Variants in ZSCAN32 observed in about 807,000 individuals in gnomAD.
The protein encoded by ZSCAN32 is zinc finger and SCAN domain-containing protein 32.
Under a neutral mutation model 47.4 loss-of-function variants are expected in ZSCAN32, and 52 were observed. The ratio of observed to expected loss-of-function variants is 1.10; its 90% confidence interval spans 0.88 to 1.38. ZSCAN32 has a LOEUF of 1.38. ZSCAN32 is among the 40% of genes most tolerant of loss of function. ZSCAN32 has a pLI of 0.00. For missense variants in ZSCAN32, 959 were observed against 846.0 expected, an observed-to-expected ratio of 1.13 and a Z score of -1.66; for synonymous variants, 346 against 305.7, an observed-to-expected ratio of 1.13 and a Z score of -1.38.
chr16:3,397,275 T>C lies in ZSCAN32; in HGVS notation c.283A>G (p.Thr95Ala). 6.4e-7 allele frequency: 1 copy of C among 1,571,076 alleles called. No homozygotes were observed. Among genetic ancestry groups the C allele is most frequent in the South Asian group, 1.2e-5 (1 of 85,700 alleles). Residue 95 changes from threonine (T) to alanine (A), a missense_variant, in exon 2 of 7, where the codon ACC becomes GCC. Coordinates refer to ENST00000396852, the MANE Select transcript of ZSCAN32 (RefSeq NM_001284527.2). ...FLTILPEEIQ[T>A]WVREQHPENG... ...TCTGGATGCTGCTCCCTCACCCAGG[T>C]CTGGATCTCCTCTGGCAAGATAGTC...
Position 3,382,472 on chromosome 16 carries a change from A to G in ZSCAN32, c.*380T>C, listed in dbSNP as rs1190593460. On this transcript the variant is annotated 3_prime_UTR_variant, in exon 7 of 7. Coordinates refer to ENST00000396852, the MANE Select transcript of ZSCAN32 (RefSeq NM_001284527.2). Reference sequence around the variant, plus strand: ...AGAGATTCAGGCCCTTAACTTTTACATGTGCTTTCCAGGAAAGGAGACACT... The same window carrying G: ...AGAGATTCAGGCCCTTAACTTTTACGTGTGCTTTCCAGGAAAGGAGACACT... 1 of 164,694 alleles carries G rather than the reference A, an allele frequency of 6.1e-6. No homozygotes were observed. Among genetic ancestry groups the G allele is most frequent in the Non-Finnish European group, 1.3e-5 (1 of 76,558 alleles). 10.2% of individuals were successfully genotyped at this position (164,694 alleles called of 1,614,324 possible).
intron 3 of ZSCAN32, among the ~76,000 whole-genome samples, chr16:3,392,633 C>G (rs2032850741): frequency 6.6e-6 from 1 of 152,132 alleles, no homozygotes; most frequent in Non-Finnish European, 1.5e-5. Context: ...CGAGACCATC[C>G]TGGCTAACAC....
chr16:3,384,345 C>A, intron 6 of ZSCAN32, 114 bp downstream of exon 6: 1 of 1,444,018 alleles, frequency 6.9e-7, no homozygotes, highest in Admixed American at 2.0e-5. Flanking sequence ...TAGGGTCACA[C>A]ATCAAGATGA....
intron 2 of ZSCAN32, among the ~76,000 whole-genome samples, chr16:3,394,425 C>T (rs2033169808): frequency 3.3e-5 from 5 of 152,164 alleles, no homozygotes; most frequent in Admixed American, 3.3e-4. Flanking sequence ...CAGCACTAGG[C>T]CATTTCCTCT....
intron 1 of ZSCAN32, among the ~76,000 whole-genome samples, chr16:3,399,371 C>T (rs2033673397): frequency 6.6e-6 from 1 of 151,960 alleles, no homozygotes; most frequent in Admixed American, 6.6e-5. Context: ...TCTTCATTTT[C>T]TAGGAATTGG....
intron 1 of ZSCAN32, 83 bp from the exon 2 acceptor site, chr16:3,397,827 C>CAA: frequency 3.6e-6 from 1 of 278,782 alleles, no homozygotes; most frequent in Non-Finnish European, 6.6e-6. Flanking sequence ...TATCCCTTTC[C>CAA]TTTACTCCCT....
At chr16:3,389,217 G>A (rs1224504781) in intron 5 of ZSCAN32, among the ~76,000 whole-genome samples, 1 of 152,190 alleles carries the variant, frequency 6.6e-6, no homozygotes, top group Non-Finnish European at 1.5e-5. Flanking sequence ...CCTGGCAAAG[G>A]AGGGGAGGGA....
intron 3 of ZSCAN32, among the ~76,000 whole-genome samples, chr16:3,391,494 A>G (rs1259312857): frequency 6.6e-6 from 1 of 151,610 alleles, no homozygotes; most frequent in Non-Finnish European, 1.5e-5. Flanking sequence ...CCTGCCCAAC[A>G]TGGCGAAACC....
At position 3,393,729 on chromosome 16, in the gene ZSCAN32, C is replaced by T; in HGVS notation, c.452G>A (p.Trp151Ter). The T allele has an allele frequency of 1.9e-6, 3 of 1,550,424 alleles. No individual in the cohort carries two copies. Among genetic ancestry groups the T allele is most frequent in the Non-Finnish European group, 2.6e-6 (3 of 1,146,926 alleles). The change falls in exon 3 of 7, where the codon TGG (tryptophan) becomes TAG (stop). Residue 151 changes from tryptophan to a stop codon, truncating the protein, a stop_gained. Coordinates refer to ENST00000396852, the MANE Select transcript of ZSCAN32 (RefSeq NM_001284527.2). LOFTEE classifies it high-confidence loss of function. ...GATRESLRSQWKQEVQPEEPT... is the reference protein window; with the variant it reads ...GATRESLRSQ ...TTCCTCTGGCTGAACCTCCTGTTTCCATTGGGATCTCAGTGATTCTCTGGT... is the reference window on the plus strand; with the variant it reads ...TTCCTCTGGCTGAACCTCCTGTTTCTATTGGGATCTCAGTGATTCTCTGGT...
intron 2 of ZSCAN32, among the ~76,000 whole-genome samples, chr16:3,394,269 A>C (rs1292473388): frequency 6.6e-6 from 1 of 152,158 alleles, no homozygotes; most frequent in African/African-American, 2.4e-5. Context: ...CTGTCTCAAA[A>C]ACAAAAAAAA....
At chr16:3,391,036 A>G (rs2032630668) in intron 3 of ZSCAN32, among the ~76,000 whole-genome samples, 1 of 152,234 alleles carries the variant, frequency 6.6e-6, no homozygotes, top group Admixed American at 6.5e-5. Flanking sequence ...TTGTACAAAT[A>G]TGACTGTGAC....
Position 3,399,138 on chromosome 16 carries a change from G to T in ZSCAN32, c.-187-1394C>A, listed in dbSNP as rs144119134. 3.3e-5 allele frequency among the ~76,000 whole-genome samples: 5 copies of T among 152,224 alleles called. No individual in the cohort carries two copies. The East Asian group carries it at 9.6e-4, about 29-fold the overall frequency. ...CTCGGGAGGCTGAGGCAGGAGAATC[G>T]CTTGAACCCGGGAGGCGGAGGTTGC... On this transcript the variant is annotated intron_variant, in intron 1 of 6. Transcript: ENST00000396852.
chr16:3,398,646 C>G (rs1261434485), intron 1 of ZSCAN32, among the ~76,000 whole-genome samples: 2 of 152,194 alleles, frequency 1.3e-5, no homozygotes, highest in Admixed American at 6.5e-5. Context: ...ATTACTCAAA[C>G]TGTTCCTGAC....
At position 3,384,847 on chromosome 16, in the gene ZSCAN32, C is replaced by A; in HGVS notation, c.846G>T (p.Gln282His). 1 of 1,614,144 alleles carries A rather than the reference C, an allele frequency of 6.2e-7. No individual in the cohort carries two copies. Among genetic ancestry groups the A allele is most frequent in the African/African-American group, 1.3e-5 (1 of 75,032 alleles). The change falls in exon 6 of 7, where the codon CAG (glutamine) becomes CAT (histidine). Residue 282 changes from glutamine (Q) to histidine (H), a missense_variant. Gln to His is a conservative substitution (Grantham distance 24). Coordinates refer to ENST00000396852, the MANE Select transcript of ZSCAN32 (RefSeq NM_001284527.2). Reference protein sequence around the residue: ...QFYGKLQTCQQNSQIYRAMAE... With the variant: ...QFYGKLQTCQHNSQIYRAMAE... ...CCATGGCCCTGTAGATCTGGCTGTTCTGCTGACAGGTCTGGAGTTTTCCAT... is the reference window on the plus strand; with the variant it reads ...CCATGGCCCTGTAGATCTGGCTGTTATGCTGACAGGTCTGGAGTTTTCCAT...
intron 5 of ZSCAN32, among the ~76,000 whole-genome samples, chr16:3,388,250 T>C (rs1292458540): frequency 6.6e-6 from 1 of 152,240 alleles, no homozygotes; most frequent in Non-Finnish European, 1.5e-5. Flanking sequence ...TGAACTGGCA[T>C]GCCCACCTCG....
intron 2 of ZSCAN32, among the ~76,000 whole-genome samples, chr16:3,396,126 A>C (rs1235188765): frequency 6.6e-6 from 1 of 152,126 alleles, no homozygotes; most frequent in African/African-American, 2.4e-5. Flanking sequence ...TGGGATTCCC[A>C]CTCTATTTAT....
Position 3,383,299 on chromosome 16 carries a change from G to T in ZSCAN32, c.1647C>A (p.His549Gln). The T allele has an allele frequency of 6.2e-7, 1 of 1,614,218 alleles. No homozygotes were observed. Among genetic ancestry groups the T allele is most frequent in the Non-Finnish European group, 8.5e-7 (1 of 1,180,038 alleles). Reference sequence around the variant, plus strand: ...AGCCCTTCCCGCACTCACTGCACTTGTGAGGCTTCTCGCCTGTGTGGATTC... The same window carrying T: ...AGCCCTTCCCGCACTCACTGCACTTTTGAGGCTTCTCGCCTGTGTGGATTC... ...HQRIHTGEKP[H>Q]KCSECGKGFS... The change falls in exon 7 of 7, where the codon CAC (histidine) becomes CAA (glutamine). Residue 549 changes from histidine (H) to glutamine (Q), a missense_variant. By Grantham distance (24) the His-to-Gln change is conservative. Transcript: ENST00000396852.
At position 3,383,597 on chromosome 16, in the gene ZSCAN32, TCA is replaced by T; in HGVS notation, c.1347_1348del (p.Glu450AlafsTer8). ...CTCACTCTCCAAGCCTTTTTGTAGCTCAGAGTGCCAATAAACTCCTCTGGACT... is the reference window on the plus strand; with the variant it reads ...CTCACTCTCCAAGCCTTTTTGTAGCTGAGTGCCAATAAACTCCTCTGGACT... On this transcript the variant is annotated frameshift_variant, in exon 7 of 7. Transcript: ENST00000396852. LOFTEE classifies it low-confidence loss of function (END_TRUNC). The T allele has an allele frequency of 6.2e-7, 1 of 1,613,960 alleles. No homozygotes were observed. Among genetic ancestry groups the T allele is most frequent in the East Asian group, 2.2e-5 (1 of 44,880 alleles).
intron 3 of ZSCAN32, among the ~76,000 whole-genome samples, chr16:3,391,893 T>G (rs779100902): frequency 6.6e-6 from 1 of 152,154 alleles, no homozygotes; most frequent in Non-Finnish European, 1.5e-5. Context: ...ATGCCACCAC[T>G]GCACTCCAGC....
Sources: allele counts gnomAD v4.1 joint callset (sites outside exome capture counted in the v4.1 genomes callset), GRCh38; gene constraint gnomAD v4.1.1; transcripts MANE v1.5; gene names NCBI Gene and HGNC (gene_info 2026-07-23, HGNC 2026-07-21).